CUL4A: variants seen among roughly 807,000 people sequenced by gnomAD.
The protein encoded by CUL4A is cullin 4A.
CUL4A carries 16 observed loss-of-function variants against 95.5 expected under a neutral mutation model. The observed-to-expected ratio is 0.17, with a 90% CI of 0.11 to 0.25. The LOEUF (loss-of-function observed/expected upper bound fraction) is 0.25, where lower values mean the gene tolerates loss of function less well. Among genes scored for constraint, CUL4A ranks in the 10% least tolerant of loss-of-function variants. CUL4A has a pLI of 1.00. For synonymous variants in CUL4A, 380 were observed against 353.1 expected (o/e 1.08, Z -0.85); for missense variants, 610 against 937.0 (o/e 0.65, Z 4.56).
At chr13:113,255,220 C>T in intron 18 of CUL4A, 95 bp downstream of exon 18, 1 of 836,424 alleles carries the variant, frequency 1.2e-6, no homozygotes, top group Non-Finnish European at 1.9e-6. Context: ...GCCTGAAGCA[C>T]ATTTCTACAA....
intron 5 of CUL4A, among the ~76,000 whole-genome samples, chr13:113,232,676 C>G (rs753589791): frequency 1.1e-4 from 17 of 152,220 alleles, no homozygotes; most frequent in Non-Finnish European, 1.9e-4. Flanking sequence ...ATCACCTTCT[C>G]TTCTCAGGGG....
intron 3 of CUL4A, 59 bp downstream of exon 3, chr13:113,219,107 C>A: frequency 9.6e-7 from 1 of 1,044,636 alleles, no homozygotes; most frequent in Non-Finnish European, 1.4e-6. Flanking sequence ...TAAAACTGAA[C>A]ATTATTATGA....
At chr13:113,230,203 G>A (rs555359733) in intron 5 of CUL4A, 10 of 153,152 alleles carry the variant, frequency 6.5e-5, no homozygotes, top group African/African-American at 2.4e-4. Flanking sequence ...TAAAAGTGAT[G>A]TCGTGCCTTC....
intron 2 of CUL4A, among the ~76,000 whole-genome samples, chr13:113,212,873 C>T (rs1364378768): frequency 6.6e-6 from 1 of 152,200 alleles, no homozygotes; most frequent in African/African-American, 2.4e-5. Context: ...ATTGCCTTTG[C>T]TCCTTTGTCA....
In CUL4A at chr13:113,252,692, C is replaced by G. The variant is rs377726074; in HGVS notation, c.1639-390C>G. ...TTCACAGATGAGGAAGCAGGAGCCC[C>G]GCTCATTGCCGGGAACACCAGCCGA... On this transcript the variant is annotated intron_variant, in intron 15 of 19. Transcript: ENST00000375440. Among the ~76,000 whole-genome samples, 10 of 152,334 alleles carry G rather than the reference C, an allele frequency of 6.6e-5. No individual in the cohort carries two copies. In the South Asian group the frequency reaches 1.9e-3, roughly 28 times the overall value.
chr13:113,241,235 A>G (rs1047426597), intron 10 of CUL4A, among the ~76,000 whole-genome samples: 2 of 152,204 alleles, frequency 1.3e-5, no homozygotes, highest in African/African-American at 4.8e-5. Flanking sequence ...AAACTAGGAA[A>G]AGTTCACCTT....
chr13:113,224,878 A>G (rs1400831956), intron 3 of CUL4A, among the ~76,000 whole-genome samples: 1 of 152,176 alleles, frequency 6.6e-6, no homozygotes, highest in East Asian at 1.9e-4. Flanking sequence ...TGGATGAATG[A>G]GGGTCGGCCT....
rs774685646 is a variant in CUL4A at position 113,235,163 on chromosome 13, G to T, written c.848+18G>T. 1 of 1,555,912 alleles carries T rather than the reference G, an allele frequency of 6.4e-7. No individual in the cohort carries two copies. The highest frequency in any genetic ancestry group is 8.8e-7 in the Non-Finnish European group (1 of 1,130,356). On this transcript the variant is annotated intron_variant, in intron 8 of 19. Coordinates refer to ENST00000375440, the MANE Select transcript of CUL4A (RefSeq NM_001008895.4). ...AGCACACAGTAAGTACCGTTTGCTC[G>T]CTGAGCGTTCGTATCTTCACCATGG...
intron 3 of CUL4A, among the ~76,000 whole-genome samples, chr13:113,227,364 A>T (rs992060345): frequency 6.6e-6 from 1 of 152,080 alleles, no homozygotes. Flanking sequence ...CTGCATCCTT[A>T]TGTGGTGGAA....
At chr13:113,218,237 C>CAAAA (rs34265141) in intron 2 of CUL4A, among the ~76,000 whole-genome samples, 1 of 144,634 alleles carries the variant, frequency 6.9e-6, no homozygotes, top group Non-Finnish European at 1.5e-5. Flanking sequence ...GACTCCAACT[C>CAAAA]AAAAAAAAAA....
intron 10 of CUL4A, among the ~76,000 whole-genome samples, chr13:113,240,316 TC>T (rs2041671255): frequency 6.6e-6 from 1 of 152,132 alleles, no homozygotes; most frequent in African/African-American, 2.4e-5. Context: ...CCACAAAGAA[TC>T]ACCTGCCCAG....
chr13:113,235,881 G>A (rs1308272283), intron 8 of CUL4A, among the ~76,000 whole-genome samples: 1 of 151,356 alleles, frequency 6.6e-6, no homozygotes, highest in Non-Finnish European at 1.5e-5. Context: ...TGAGGCAGGA[G>A]AATGGCATGA....
intron 2 of CUL4A, among the ~76,000 whole-genome samples, chr13:113,215,170 A>C (rs1283218588): frequency 7.1e-6 from 1 of 141,728 alleles, no homozygotes; most frequent in Non-Finnish European, 1.5e-5. Context: ...GTGACTATGG[A>C]GGTCTCTCTC....
chr13:113,210,780 A>C (rs1194341833), intron 2 of CUL4A, among the ~76,000 whole-genome samples: 1 of 134,216 alleles, frequency 7.5e-6, no homozygotes, highest in African/African-American at 2.7e-5. Flanking sequence ...TTTCTATTAA[A>C]AGGCTTGAAT....
intron 15 of CUL4A, among the ~76,000 whole-genome samples, chr13:113,249,936 G>C (rs549560590): frequency 6.6e-6 from 1 of 152,064 alleles, no homozygotes; most frequent in Middle Eastern, 3.2e-3. Context: ...GTTTTTAACC[G>C]GGCTGTTTAT....
intron 18 of CUL4A, among the ~76,000 whole-genome samples, chr13:113,259,361 A>G (rs1254910704): frequency 6.6e-6 from 1 of 152,206 alleles, no homozygotes; most frequent in Non-Finnish European, 1.5e-5. Flanking sequence ...AGTCTCTCCC[A>G]TCCTGAAGCA....
In CUL4A at chr13:113,233,349, G is replaced by C. The variant is rs766023713; in HGVS notation, c.675+10G>C. On this transcript the variant is annotated intron_variant, in intron 6 of 19. Transcript: ENST00000375440. Reference sequence around the variant, plus strand: ...GCTGTCTGACCTGCAGGTGAGTGCTGCCTGTGCGGAAGATACCTGGGTACC... The same window carrying C: ...GCTGTCTGACCTGCAGGTGAGTGCTCCCTGTGCGGAAGATACCTGGGTACC... 1 of 1,611,088 alleles carries C rather than the reference G, an allele frequency of 6.2e-7. No individual in the cohort carries two copies. Among genetic ancestry groups the C allele is most frequent in the Non-Finnish European group, 8.5e-7 (1 of 1,179,138 alleles).
chr13:113,232,910 TG>T (rs1224499030), intron 5 of CUL4A, among the ~76,000 whole-genome samples: 2 of 152,138 alleles, frequency 1.3e-5, no homozygotes, highest in Non-Finnish European at 2.9e-5. Flanking sequence ...GCCAGCAGCT[TG>T]TGTGATACCA....
At chr13:113,208,298 C>T, upstream of CUL4A, 1 of 1,431,614 alleles carries the variant, frequency 7.0e-7, no homozygotes, top group Non-Finnish European at 9.1e-7. Flanking sequence ...GGGAGCGCGG[C>T]CACACGTGCC....
Sources: gnomAD v4.1 joint callset for allele counts (sites outside exome capture counted in the v4.1 genomes callset) on GRCh38, gnomAD v4.1.1 for gene constraint, MANE v1.5 for transcripts, NCBI Gene and HGNC (gene_info 2026-07-23, HGNC 2026-07-21) for gene names.